Variants in RIT2 observed in about 807,000 individuals in gnomAD.
The protein encoded by RIT2 is GTP-binding protein Rit2.
In RIT2, 24 loss-of-function variants were observed where a neutral mutation model predicts 23.7. That is an observed-to-expected ratio of 1.01 (90% CI 0.73 to 1.43). The LOEUF is 1.43. RIT2 is among the 40% of genes most tolerant of loss of function. RIT2 has a pLI of 0.00. For missense variants in RIT2, 236 were observed against 266.9 expected (o/e 0.88, Z 0.81); for synonymous variants, 107 against 91.1 (o/e 1.17, Z -0.99).
chr18:42,981,921 G>T (rs897719891), intron 2 of RIT2, among the ~76,000 whole-genome samples: 4 of 152,022 alleles, frequency 2.6e-5, no homozygotes, highest in African/African-American at 9.7e-5. Context: ...TATCACAAAG[G>T]TTGTTCATTG....
At chr18:43,026,580 G>GAAAGAAAGAAAGAAAGAAAT (rs1568059799) in intron 2 of RIT2, among the ~76,000 whole-genome samples, 8 of 63,862 alleles carry the variant, frequency 1.3e-4, no homozygotes, top group African/African-American at 4.3e-4. Flanking sequence ...AAATAAGAAA[G>GAAAGAAAGAAAGAAAGAAAT]AAAGAAAGAA....
At chr18:42,899,582 T>C (rs1336315849) in intron 4 of RIT2, among the ~76,000 whole-genome samples, 3 of 151,962 alleles carry the variant, frequency 2.0e-5, no homozygotes, top group African/African-American at 4.8e-5. Flanking sequence ...AGAGCTATAG[T>C]GATTACCTTT....
intron 1 of RIT2, among the ~76,000 whole-genome samples, chr18:43,059,423 T>C (rs1355076736): frequency 6.6e-6 from 1 of 152,148 alleles, no homozygotes; most frequent in Non-Finnish European, 1.5e-5. Context: ...TTTACACTGG[T>C]CCAAGCTTGA....
intron 4 of RIT2, among the ~76,000 whole-genome samples, chr18:42,830,083 T>G (rs16977010): frequency 0.016 from 2,470 of 152,230 alleles, 76 homozygotes; most frequent in African/African-American, 0.057. Flanking sequence ...TAAAAATTCT[T>G]GCAGCTGTCC....
At chr18:42,849,520 G>A (rs8088364) in intron 4 of RIT2, among the ~76,000 whole-genome samples, 1,886 of 152,174 alleles carry the variant, frequency 0.012, 39 homozygotes, top group African/African-American at 0.042. Flanking sequence ...CTGACATGAC[G>A]CAAATAAAGT....
intron 2 of RIT2, among the ~76,000 whole-genome samples, chr18:43,026,725 G>A (rs1911741325): frequency 6.6e-6 from 1 of 151,228 alleles, no homozygotes; most frequent in Non-Finnish European, 1.5e-5. Flanking sequence ...TTGAACAGGG[G>A]AATTTAGGAA....
chr18:42,754,977 C>A (rs987470226), intron 4 of RIT2, among the ~76,000 whole-genome samples: 1 of 152,150 alleles, frequency 6.6e-6, no homozygotes, highest in Non-Finnish European at 1.5e-5. Flanking sequence ...GGCTACACCA[C>A]TTTTTAGCCA....
chr18:42,853,420 C>G (rs2144039358), intron 4 of RIT2, among the ~76,000 whole-genome samples: 1 of 152,270 alleles, frequency 6.6e-6, no homozygotes, highest in South Asian at 2.1e-4. Context: ...GCAACTGAAT[C>G]CATCATTTGG....
Position 42,743,603 on chromosome 18 carries a change from G to T in RIT2, c.544C>A (p.Arg182Ser), listed in dbSNP as rs757214621. 4 of 1,613,856 alleles carry T rather than the reference G, an allele frequency of 2.5e-6. No individual in the cohort carries two copies. Among genetic ancestry groups the T allele is most frequent in the South Asian group, 1.1e-5 (1 of 91,068 alleles). The change falls in exon 5 of 5, where the codon CGC becomes AGC. Residue 182 changes from arginine to serine, a missense_variant. Transcript: ENST00000326695. ...DAFHGLVREI[R>S]KKESMPSLME... The stretch of plus-strand genomic sequence containing the variant: ...AAGGATGGCATGGACTCCTTCTTGC[G>T]AATTTCCCTCACTAAGCCATGAAAA...
chr18:42,856,734 G>T (rs11874640), intron 4 of RIT2, among the ~76,000 whole-genome samples: 4,500 of 151,840 alleles, frequency 0.03, 222 homozygotes, highest in African/African-American at 0.1. Flanking sequence ...TAAAAGAGTG[G>T]TTCTCAAATA....
At chr18:42,786,621 C>T (rs1913928066) in intron 4 of RIT2, among the ~76,000 whole-genome samples, 3 of 152,100 alleles carry the variant, frequency 2.0e-5, no homozygotes, top group South Asian at 4.1e-4. Context: ...ATTCTCGGGA[C>T]TGACAATCAT....
At chr18:42,968,572 G>A (rs1910292014) in intron 3 of RIT2, among the ~76,000 whole-genome samples, 1 of 152,130 alleles carries the variant, frequency 6.6e-6, no homozygotes, top group Non-Finnish European at 1.5e-5. Context: ...GTTAAAGCTG[G>A]ACTAGCATTT....
At chr18:42,956,810 A>C (rs927233203) in intron 3 of RIT2, among the ~76,000 whole-genome samples, 1 of 152,112 alleles carries the variant, frequency 6.6e-6, no homozygotes, top group Non-Finnish European at 1.5e-5. Flanking sequence ...GCAGAGGTGA[A>C]AGTTTTGATC....
intron 4 of RIT2, among the ~76,000 whole-genome samples, chr18:42,848,997 T>C (rs1057129163): frequency 6.6e-6 from 1 of 152,176 alleles, no homozygotes; most frequent in East Asian, 1.9e-4. Context: ...AGGAATACTT[T>C]TAAAAAACGA....
intron 4 of RIT2, among the ~76,000 whole-genome samples, chr18:42,820,900 T>C (rs1906129829): frequency 6.6e-6 from 1 of 152,126 alleles, no homozygotes; most frequent in Non-Finnish European, 1.5e-5. Context: ...AGGTGGGAAG[T>C]GTTTGGATAA....
intron 4 of RIT2, among the ~76,000 whole-genome samples, chr18:42,778,967 T>G (rs963213056): frequency 4.6e-5 from 7 of 152,306 alleles, no homozygotes; most frequent in Non-Finnish European, 8.8e-5. Context: ...CTATGAACTC[T>G]TTTCGATTTC....
chr18:42,881,061 C>T (rs1437385877), intron 4 of RIT2, among the ~76,000 whole-genome samples: 4 of 152,162 alleles, frequency 2.6e-5, no homozygotes, highest in African/African-American at 9.7e-5. Flanking sequence ...CCGCCTCGGC[C>T]TCCCAAAGTG....
At chr18:43,086,641 G>C (rs1913289776) in intron 1 of RIT2, among the ~76,000 whole-genome samples, 1 of 152,100 alleles carries the variant, frequency 6.6e-6, no homozygotes, top group Non-Finnish European at 1.5e-5. Context: ...GCACTGCACG[G>C]CTGGCCAGAA....
At chr18:43,042,741 AC>A (rs1438100039) in intron 1 of RIT2, among the ~76,000 whole-genome samples, 6 of 152,228 alleles carry the variant, frequency 3.9e-5, no homozygotes, top group Non-Finnish European at 7.3e-5. Flanking sequence ...CTAAAGGTTT[AC>A]ATTTGAGAAG....
Sources: allele counts gnomAD v4.1 joint callset (sites outside exome capture counted in the v4.1 genomes callset), GRCh38; gene constraint gnomAD v4.1.1; transcripts MANE v1.5; gene names NCBI Gene and HGNC (gene_info 2026-07-23, HGNC 2026-07-21).